The following KANK1 variants were observed in gnomAD, a reference collection of about 807,000 sequenced individuals.
KANK1 encodes the protein KN motif and ankyrin repeat domains 1.
A neutral mutation model predicts 106.2 loss-of-function variants in KANK1; 109 were observed. The ratio of observed to expected loss-of-function variants is 1.03; its 90% CI spans 0.88 to 1.20. The LOEUF (loss-of-function observed/expected upper bound fraction) is 1.20, where lower values mean the gene tolerates loss of function less well. KANK1 is among the 50% of genes most tolerant of loss of function. KANK1 has a pLI of 0.00. For missense variants in KANK1, 2,399 were observed against 1,710.7 expected, an observed-to-expected ratio of 1.40 and a Z score of -7.10; for synonymous variants, 873 against 652.2, an observed-to-expected ratio of 1.34 and a Z score of -5.16.
At position 711,317 on chromosome 9, in the gene KANK1, T is replaced by C; in HGVS notation, c.551T>C (p.Leu184Pro). 2 of 1,614,168 alleles carry C rather than the reference T, an allele frequency of 1.2e-6. No homozygotes were observed. The highest frequency in any genetic ancestry group is 1.7e-6 in the Non-Finnish European group (2 of 1,180,040). ...MTPGEFRRPR[L>P]ASFGGMGTTS... ...CCGGGTGAGTTCAGAAGGCCCAGGCTGGCCAGTTTTGGAGGCATGGGCACC... is the reference window on the plus strand; with the variant it reads ...CCGGGTGAGTTCAGAAGGCCCAGGCCGGCCAGTTTTGGAGGCATGGGCACC... The change falls in exon 3 of 12, where the codon CTG becomes CCG. Residue 184 changes from leucine to proline, a missense_variant. Leu to Pro is a moderately conservative substitution (Grantham distance 98). Coordinates refer to ENST00000382297, the MANE Select transcript of KANK1 (RefSeq NM_015158.5).
chr9:639,117 T>G (rs1837801418), intron 1 of KANK1, among the ~76,000 whole-genome samples: 1 of 152,176 alleles, frequency 6.6e-6, no homozygotes, highest in Non-Finnish European at 1.5e-5. Context: ...CACATCTGAT[T>G]GCTGAACACT....
chr9:608,040 T>TTTTA (rs1476687277), intron 1 of KANK1, among the ~76,000 whole-genome samples: 2 of 137,682 alleles, frequency 1.5e-5, no homozygotes, highest in Non-Finnish European at 3.1e-5. Context: ...TATTATTTTT[T>TTTTA]TTTTTTTTGA....
intron 2 of KANK1, among the ~76,000 whole-genome samples, chr9:689,390 C>A (rs1819332340): frequency 6.6e-6 from 1 of 152,258 alleles, no homozygotes; most frequent in African/African-American, 2.4e-5. Context: ...AAGAATCAGA[C>A]CCCTCTGCCG....
chr9:558,333 C>T (rs536119447), intron 1 of KANK1, among the ~76,000 whole-genome samples: 3 of 152,176 alleles, frequency 2.0e-5, no homozygotes, highest in African/African-American at 4.8e-5. Flanking sequence ...TCTATAAAGT[C>T]GCTGTGGACA....
chr9:523,111 A>G (rs773730142), intron 1 of KANK1, among the ~76,000 whole-genome samples: 8 of 151,462 alleles, frequency 5.3e-5, no homozygotes, highest in Non-Finnish European at 7.4e-5. Context: ...TTAGGTCTCC[A>G]GCTCTGACTT....
chr9:518,922 C>A (rs1363139308), intron 1 of KANK1, among the ~76,000 whole-genome samples: 1 of 150,926 alleles, frequency 6.6e-6, no homozygotes, highest in Non-Finnish European at 1.5e-5. Context: ...CAGAGTTTCG[C>A]TCTTGTTGCC....
chr9:506,545 T>C (rs534241033), intron 1 of KANK1, among the ~76,000 whole-genome samples: 12 of 151,900 alleles, frequency 7.9e-5, no homozygotes, highest in Admixed American at 1.3e-4. Context: ...TGTGTGTGTG[T>C]GTGCGTGTGC....
intron 1 of KANK1, among the ~76,000 whole-genome samples, chr9:512,760 C>T (rs906879060): frequency 1.3e-5 from 2 of 152,118 alleles, no homozygotes; most frequent in Non-Finnish European, 2.9e-5. Flanking sequence ...AATATACTGC[C>T]AGTCTATGCT....
chr9:633,017 C>G (rs572927578), intron 1 of KANK1, among the ~76,000 whole-genome samples: 1 of 152,082 alleles, frequency 6.6e-6, no homozygotes, highest in South Asian at 2.1e-4. Flanking sequence ...TTTAGCAAAG[C>G]AAAACGGCAG....
At chr9:620,821 T>A (rs1174768026) in intron 1 of KANK1, among the ~76,000 whole-genome samples, 1 of 152,188 alleles carries the variant, frequency 6.6e-6, no homozygotes, top group African/African-American at 2.4e-5. Flanking sequence ...TTCAGCAATA[T>A]AAGATTTGAT....
chr9:633,104 T>C (rs1836167204), intron 1 of KANK1, among the ~76,000 whole-genome samples: 1 of 152,106 alleles, frequency 6.6e-6, no homozygotes, highest in Non-Finnish European at 1.5e-5. Context: ...TTTTCTACAC[T>C]CACTTTTAGT....
At chr9:531,448 GT>G (rs925494622) in intron 1 of KANK1, among the ~76,000 whole-genome samples, 1 of 152,170 alleles carries the variant, frequency 6.6e-6, no homozygotes, top group African/African-American at 2.4e-5. Context: ...TAAAAATAAA[GT>G]AGTACTTAAT....
intron 3 of KANK1, among the ~76,000 whole-genome samples, chr9:474,920 C>T (rs1156755047): frequency 3.9e-5 from 6 of 152,268 alleles, no homozygotes; most frequent in African/African-American, 1.4e-4. Flanking sequence ...TGATGGTGTA[C>T]TTGTTACAGT....
At position 738,399 on chromosome 9, in the gene KANK1, G is replaced by T. The variant is rs367609791; in HGVS notation, c.3448G>T (p.Val1150Phe). The change falls in exon 8 of 12, where the codon GTC becomes TTC. Residue 1150 changes from valine to phenylalanine, a missense_variant. Val to Phe is a conservative substitution (Grantham distance 50). Transcript: ENST00000382297. ...TGCTTTTGAGGCCATTTCCCCAGAT[G>T]TCCTCCGCTATGTCATCAACTTGGC... ...IAAFEAISPD[V>F]LRYVINLADG... 4.2e-5 allele frequency: 67 copies of T among 1,613,996 alleles called. No homozygotes were observed. The African/African-American group carries it at 8.0e-4, about 19-fold the overall frequency.
intron 1 of KANK1, among the ~76,000 whole-genome samples, chr9:629,356 C>A (rs1422406345): frequency 6.6e-6 from 1 of 152,164 alleles, no homozygotes; most frequent in Non-Finnish European, 1.5e-5. Context: ...TCTCTTCCCC[C>A]AGCCACAGTG....
At position 665,669 on chromosome 9, in the gene KANK1, G is replaced by C. The variant is rs369555891; in HGVS notation, c.-83-11221G>C. ...TATTTGTGGTTCCATATAAAATTTA[G>C]GATTGTCTGCTCTGTTTCTATGGGG... On this transcript the variant is annotated intron_variant, in intron 1 of 11. Coordinates refer to ENST00000382297, the MANE Select transcript of KANK1 (RefSeq NM_015158.5). 7.2e-5 allele frequency among the ~76,000 whole-genome samples: 11 copies of C among 152,106 alleles called. 1 individual carries two copies. The East Asian group carries it at 2.1e-3, about 29-fold the overall frequency.
intron 1 of KANK1, among the ~76,000 whole-genome samples, chr9:505,025 C>A (rs1372867392): frequency 5.3e-5 from 8 of 151,650 alleles, no homozygotes; most frequent in African/African-American, 1.9e-4. Flanking sequence ...TCTGCAGCGG[C>A]GGCGCTCGGC....
chr9:725,413 A>C (rs905442394), intron 3 of KANK1, among the ~76,000 whole-genome samples: 1 of 151,114 alleles, frequency 6.6e-6, no homozygotes, highest in Admixed American at 6.6e-5. Context: ...GAATCGCTTG[A>C]ACCCGGGAGG....
intron 2 of KANK1, among the ~76,000 whole-genome samples, chr9:705,824 T>G (rs1234124312): frequency 6.6e-6 from 1 of 151,982 alleles, no homozygotes; most frequent in African/African-American, 2.4e-5. Flanking sequence ...GGTCTCGAGC[T>G]CCTGACCTTC....
Sources: gnomAD v4.1 joint callset for allele counts (sites outside exome capture counted in the v4.1 genomes callset) on GRCh38, gnomAD v4.1.1 for gene constraint, MANE v1.5 for transcripts, NCBI Gene and HGNC (gene_info 2026-07-23, HGNC 2026-07-21) for gene names.